The following SMG6 variants were observed in gnomAD, a reference collection of about 807,000 sequenced individuals.
SMG6 encodes SMG6 nonsense mediated mRNA decay factor.
Under a neutral mutation model 142.2 loss-of-function variants are expected in SMG6, and 66 were observed. The ratio of observed to expected loss-of-function variants is 0.46; its 90% CI spans 0.38 to 0.57. SMG6 has a LOEUF of 0.57. SMG6 is among the 20% of genes least tolerant of loss of function. SMG6 has a pLI of 0.00. For missense variants in SMG6, 1,793 were observed against 1,832.0 expected (o/e 0.98, Z 0.39); for synonymous variants, 779 against 702.4 (o/e 1.11, Z -1.72).
At position 2,150,298 on chromosome 17, in the gene SMG6, T is replaced by A. The variant is rs147081507; in HGVS notation, c.3357+22360A>T. On this transcript the variant is annotated intron_variant, in intron 13 of 18. Transcript: ENST00000263073. ...ACAGTTTCATCCTGAAACCACCCAC[T>A]GCTAACCCTGTCTGTGGAAAAACTG... Among the ~76,000 whole-genome samples, 1,199 of 152,336 alleles carry A rather than the reference T, an allele frequency of 7.9e-3. 7 individuals carry two copies. The highest frequency in any genetic ancestry group is 0.013 in the Non-Finnish European group (910 of 68,026).
intron 10 of SMG6, among the ~76,000 whole-genome samples, chr17:2,225,572 C>T (rs183186590): frequency 3.8e-4 from 58 of 151,768 alleles, no homozygotes; most frequent in African/African-American, 1.3e-3. Context: ...ATAAATCAAA[C>T]CAAAAATAAC....
intron 13 of SMG6, among the ~76,000 whole-genome samples, chr17:2,093,530 C>G (rs1189631884): frequency 6.6e-6 from 1 of 151,976 alleles, no homozygotes; most frequent in Non-Finnish European, 1.5e-5. Flanking sequence ...TTCCTCTTAT[C>G]TCCACTCTCT....
intron 10 of SMG6, among the ~76,000 whole-genome samples, chr17:2,207,257 C>T (rs2072715709): frequency 6.6e-6 from 1 of 152,082 alleles, no homozygotes; most frequent in Admixed American, 6.6e-5. Flanking sequence ...TGCACTCCAA[C>T]CTGGGCAACA....
intron 10 of SMG6, among the ~76,000 whole-genome samples, chr17:2,192,785 G>A (rs1303655167): frequency 1.3e-5 from 2 of 152,182 alleles, no homozygotes; most frequent in Non-Finnish European, 2.9e-5. Flanking sequence ...TTCAACTGCT[G>A]CTGCTTGAGC....
chr17:2,286,070 C>T (rs1354671600), intron 6 of SMG6, among the ~76,000 whole-genome samples: 2 of 152,066 alleles, frequency 1.3e-5, no homozygotes, highest in African/African-American at 4.8e-5. Flanking sequence ...CTTAGGAATA[C>T]ATTTAACCAA....
chr17:2,106,612 G>T (rs937605174), intron 13 of SMG6, among the ~76,000 whole-genome samples: 1 of 152,140 alleles, frequency 6.6e-6, no homozygotes, highest in Non-Finnish European at 1.5e-5. Context: ...CCTGTCACAA[G>T]GGCAAAATTA....
At chr17:2,066,323 CAT>C (rs1338092448) in intron 16 of SMG6, among the ~76,000 whole-genome samples, 8 of 150,870 alleles carry the variant, frequency 5.3e-5, no homozygotes, top group African/African-American at 9.8e-5. Context: ...TGTGTGTGTA[CAT>C]GTGTGTATGT....
chr17:2,130,330 T>C (rs2070077327), intron 13 of SMG6, among the ~76,000 whole-genome samples: 1 of 148,504 alleles, frequency 6.7e-6, no homozygotes, highest in Non-Finnish European at 1.5e-5. Flanking sequence ...CTAGAAAATA[T>C]GATACTTAAA....
chr17:2,090,322 G>A (rs941287312), intron 13 of SMG6, among the ~76,000 whole-genome samples: 1 of 152,024 alleles, frequency 6.6e-6, no homozygotes, highest in African/African-American at 2.4e-5. Flanking sequence ...GAGAGAAAAC[G>A]AGCTATATGC....
At chr17:2,302,415 C>T (rs1367614720) in intron 1 of SMG6, among the ~76,000 whole-genome samples, 2 of 152,032 alleles carry the variant, frequency 1.3e-5, no homozygotes, top group Non-Finnish European at 2.9e-5. Flanking sequence ...GTGGCACACG[C>T]CTACAGTCCA....
intron 10 of SMG6, among the ~76,000 whole-genome samples, chr17:2,228,956 C>A (rs2073393058): frequency 2.0e-5 from 3 of 152,106 alleles, no homozygotes; most frequent in South Asian, 4.1e-4. Context: ...ACCTTCCCCC[C>A]AGGCCACAAA....
At position 2,169,258 on chromosome 17, in the gene SMG6, G is replaced by GTTAAA. The variant is rs554692780; in HGVS notation, c.3357+3399_3357+3400insTTTAA. ...GCGCAGGAATTTGAGGTGGCAGTGAGTTATGATAGTGCCACTTACTCCAGC... is the reference window on the plus strand; with the variant it reads ...GCGCAGGAATTTGAGGTGGCAGTGAGTTAAATTATGATAGTGCCACTTACTCCAGC... On this transcript the variant is annotated intron_variant, in intron 13 of 18. Transcript: ENST00000263073. Among the ~76,000 whole-genome samples the GTTAAA allele has an allele frequency of 4.3e-4, 65 of 151,178 alleles. No homozygotes were observed. The East Asian group carries it at 0.013, about 30-fold the overall frequency.
At chr17:2,136,467 A>G (rs934666469) in intron 13 of SMG6, among the ~76,000 whole-genome samples, 3 of 152,166 alleles carry the variant, frequency 2.0e-5, no homozygotes, top group East Asian at 1.9e-4. Flanking sequence ...TTGATTCTAA[A>G]TATCTGTGGC....
At chr17:2,208,937 T>C (rs1486856346) in intron 10 of SMG6, among the ~76,000 whole-genome samples, 1 of 152,156 alleles carries the variant, frequency 6.6e-6, no homozygotes, top group Admixed American at 6.5e-5. Flanking sequence ...CCCAGCACTT[T>C]GGGAGGCTGA....
At chr17:2,232,856 A>C (rs2073538392) in intron 10 of SMG6, 1 of 152,202 alleles carries the variant, frequency 6.6e-6, no homozygotes, top group South Asian at 2.1e-4. Context: ...CCAAGAGCAG[A>C]GTGGGCTCCT....
chr17:2,156,962 C>G (rs1000590354), intron 13 of SMG6, among the ~76,000 whole-genome samples: 1 of 152,114 alleles, frequency 6.6e-6, no homozygotes, highest in African/African-American at 2.4e-5. Context: ...CTCCATTCTT[C>G]TAGTTCATGC....
At chr17:2,292,730 G>C in intron 5 of SMG6, 100 bp from the exon 6 acceptor site, 1 of 1,492,486 alleles carries the variant, frequency 6.7e-7, no homozygotes, top group Non-Finnish European at 9.3e-7. Context: ...TAGAGTGTTA[G>C]ATGTAACCCT....
At position 2,237,088 on chromosome 17, in the gene SMG6, AATT is replaced by A. The variant is rs1364771149; in HGVS notation, c.2724-454_2724-452del. The A allele has an allele frequency of 6.2e-4, 89 of 143,026 alleles. 1 individual carries two copies. The highest frequency in any genetic ancestry group is 2.4e-3 in the Admixed American group (35 of 14,444). 8.9% of individuals were successfully genotyped at this position (143,026 alleles called of 1,614,324 possible). A position where few individuals can be genotyped will look rare whatever the true frequency, so the allele number is the denominator to read the frequency against. On this transcript the variant is annotated intron_variant, in intron 9 of 18. Coordinates refer to ENST00000263073, the MANE Select transcript of SMG6 (RefSeq NM_017575.5). The stretch of plus-strand genomic sequence containing the variant: ...ATGTGAATCTAAACAAAAAAAAAAA[AATT>A]TTTTTTTTTTTTTGAGACAAAGTTT...
intron 13 of SMG6, among the ~76,000 whole-genome samples, chr17:2,157,674 C>T (rs1308575000): frequency 1.3e-5 from 2 of 152,210 alleles, no homozygotes; most frequent in African/African-American, 4.8e-5. Flanking sequence ...ATGCTTTCAG[C>T]TTAAAGTTAG....
Sources: gnomAD v4.1 joint callset for allele counts (sites outside exome capture counted in the v4.1 genomes callset) on GRCh38, gnomAD v4.1.1 for gene constraint, MANE v1.5 for transcripts, NCBI Gene and HGNC (gene_info 2026-07-23, HGNC 2026-07-21) for gene names.